Variants in UFSP2 observed in about 807,000 individuals in gnomAD.
The protein encoded by UFSP2 is ufm1-specific protease 2.
A neutral mutation model predicts 60.2 loss-of-function variants in UFSP2; 43 were observed. The observed-to-expected ratio is 0.71, with a 90% confidence interval of 0.56 to 0.92. UFSP2 has a LOEUF of 0.92. Ranked by LOEUF, UFSP2 falls within the 40% of genes least tolerant of loss-of-function variation. The pLI is 0.00. For synonymous variants in UFSP2, 183 were observed against 195.1 expected (o/e 0.94, Z 0.52); for missense variants, 520 against 575.0 (o/e 0.90, Z 0.98).
chr4:185,413,023 T>A (rs895427346), intron 7 of UFSP2, among the ~76,000 whole-genome samples: 6 of 152,226 alleles, frequency 3.9e-5, no homozygotes, highest in Admixed American at 6.5e-5. Flanking sequence ...TATCCTACAG[T>A]GGCTGGGCAT....
chr4:185,403,769 T>TG, intron 10 of UFSP2, 151 bp from the exon 11 acceptor site: 1 of 910,336 alleles, frequency 1.1e-6, no homozygotes, highest in Non-Finnish European at 1.6e-6. Context: ...GGTCAGGAGA[T>TG]GGAGACCATC....
intron 9 of UFSP2, among the ~76,000 whole-genome samples, chr4:185,407,504 T>C (rs1429379171): frequency 6.6e-6 from 1 of 152,138 alleles, no homozygotes; most frequent in Non-Finnish European, 1.5e-5. Context: ...TTTGAACACA[T>C]TACTAGATTA....
At chr4:185,425,521 A>T (rs2095558056) in intron 1 of UFSP2, among the ~76,000 whole-genome samples, 1 of 152,214 alleles carries the variant, frequency 6.6e-6, no homozygotes, top group Non-Finnish European at 1.5e-5. Flanking sequence ...TACCACGGGA[A>T]CTAGGGGAAT....
intron 11 of UFSP2, among the ~76,000 whole-genome samples, chr4:185,402,898 A>C (rs1352945722): frequency 3.3e-5 from 5 of 152,232 alleles, no homozygotes; most frequent in Non-Finnish European, 7.3e-5. Context: ...ATTCAAGTTA[A>C]TTATGTTTTA....
chr4:185,402,225 G>A (rs1054747227), intron 11 of UFSP2: 8 of 439,550 alleles, frequency 1.8e-5, no homozygotes, highest in Admixed American at 1.1e-4. Context: ...CACTTGTTAG[G>A]TACTTTAATA....
At position 185,399,939 on chromosome 4, in the gene UFSP2, G is replaced by A; in HGVS notation, c.*453C>T. ...TTACCAGAGTCTAGAGACCAAAAAT[G>A]GGACTGCATGGTGGAAGTTTGGGGA... is the stretch of plus-strand genomic sequence containing the variant. On this transcript the variant is annotated 3_prime_UTR_variant, in exon 12 of 12. Transcript: ENST00000264689. The A allele has an allele frequency of 1.3e-6, 2 of 1,560,266 alleles. No homozygotes were observed. The highest frequency in any genetic ancestry group is 1.7e-6 in the Non-Finnish European group (2 of 1,158,484).
chr4:185,417,836 G>A (rs60972638), intron 4 of UFSP2, among the ~76,000 whole-genome samples: 12,884 of 152,082 alleles, frequency 0.085, 964 homozygotes, highest in African/African-American at 0.19. Flanking sequence ...CCGAGGTCAG[G>A]AGTTTGAGAC....
intron 9 of UFSP2, among the ~76,000 whole-genome samples, chr4:185,406,747 T>C (rs2126881039): frequency 6.6e-6 from 1 of 152,082 alleles, no homozygotes; most frequent in South Asian, 2.1e-4. Flanking sequence ...GGCTCATTTT[T>C]ATATTTTTAG....
At chr4:185,415,448 T>C (rs1032849817) in intron 5 of UFSP2, 101 bp from the exon 6 acceptor site, 11 of 1,046,470 alleles carry the variant, frequency 1.1e-5, no homozygotes, top group African/African-American at 1.6e-5. Flanking sequence ...AAAACTTGAT[T>C]GGACCAGGTT....
intron 4 of UFSP2, among the ~76,000 whole-genome samples, chr4:185,416,707 A>G (rs2095539346): frequency 6.6e-6 from 1 of 152,228 alleles, no homozygotes; most frequent in Non-Finnish European, 1.5e-5. Context: ...CACCTGGAAC[A>G]TCTGATGGGT....
Position 185,415,200 on chromosome 4 carries a change from T to C in UFSP2, c.639A>G (p.Ser213=), listed in dbSNP as rs1325128910. ...GGCCATCTGGTATTCCTGAAGGATA[T>C]GAAATTGTTACAAGATTTTTTTTCC... ...LPGKKNLVTI[S]YPSGIPDGQL... The change falls in exon 6 of 12, where the codon TCA becomes TCG. Residue 213 remains serine, a synonymous_variant. Coordinates refer to ENST00000264689, the MANE Select transcript of UFSP2 (RefSeq NM_018359.5). 1.2e-6 allele frequency: 2 copies of C among 1,607,200 alleles called. No homozygotes were observed. Among genetic ancestry groups the C allele is most frequent in the South Asian group, 2.2e-5 (2 of 89,464 alleles).
intron 4 of UFSP2, among the ~76,000 whole-genome samples, chr4:185,417,926 C>A (rs940903958): frequency 6.6e-6 from 1 of 152,020 alleles, no homozygotes; most frequent in Non-Finnish European, 1.5e-5. Context: ...TGCCTGTAAT[C>A]CCAGCTACTC....
Position 185,415,239 on chromosome 4 carries a change from G to C in UFSP2, c.600C>G (p.His200Gln). 1 of 1,604,196 alleles carries C rather than the reference G, an allele frequency of 6.2e-7. No homozygotes were observed. Among genetic ancestry groups the C allele is most frequent in the Non-Finnish European group, 8.5e-7 (1 of 1,177,882 alleles). The change falls in exon 6 of 12, where the codon CAC becomes CAG. Residue 200 changes from histidine (H) to glutamine (Q), a missense_variant. Transcript: ENST00000264689. ...GTSIVVPEPL[H>Q]FLLPGKKNLV... ...GATTTTTTTTCCCTGGTAATAAAAAGTGCAGTGGTTCAGGGACCACAATAG... is the reference window on the plus strand; with the variant it reads ...GATTTTTTTTCCCTGGTAATAAAAACTGCAGTGGTTCAGGGACCACAATAG...
intron 7 of UFSP2, among the ~76,000 whole-genome samples, chr4:185,409,280 TA>T (rs1446542484): frequency 6.6e-6 from 1 of 152,180 alleles, no homozygotes; most frequent in Middle Eastern, 3.2e-3. Context: ...TAAAGATAAA[TA>T]AATTACTAAT....
chr4:185,405,472 CAG>C (rs1427953115), intron 10 of UFSP2, among the ~76,000 whole-genome samples: 1 of 152,198 alleles, frequency 6.6e-6, no homozygotes, highest in Non-Finnish European at 1.5e-5. Flanking sequence ...CCAGTTATGA[CAG>C]AGTCATGACT....
At chr4:185,415,075 T>C in intron 6 of UFSP2, 80 bp downstream of exon 6, 1 of 1,190,418 alleles carries the variant, frequency 8.4e-7, no homozygotes. Context: ...ATACCTTCCA[T>C]TTAGTGGAAA....
At chr4:185,411,447 C>A (rs796338700) in intron 7 of UFSP2, among the ~76,000 whole-genome samples, 1 of 151,892 alleles carries the variant, frequency 6.6e-6, no homozygotes, top group Non-Finnish European at 1.5e-5. Flanking sequence ...AAAATAAGAA[C>A]AGTATGAGAG....
Position 185,425,893 on chromosome 4 carries a change from G to C in UFSP2, c.-25C>G. 1 of 1,595,996 alleles carries C rather than the reference G, an allele frequency of 6.3e-7. No individual in the cohort carries two copies. Among genetic ancestry groups the C allele is most frequent in the Non-Finnish European group, 8.5e-7 (1 of 1,171,474 alleles). ...TGTCCGCGACGTGGCGGTGACACGG[G>C]CGCTGACGCCTGCCCAAAAGTTCCG... On this transcript the variant is annotated 5_prime_UTR_variant, in exon 1 of 12. Transcript: ENST00000264689.
At chr4:185,406,576 ATAT>A (rs751182940) in intron 9 of UFSP2, among the ~76,000 whole-genome samples, 2 of 151,988 alleles carry the variant, frequency 1.3e-5, no homozygotes, top group Non-Finnish European at 2.9e-5. Flanking sequence ...TCATTGTTTT[ATAT>A]TATTATTATT....
Sources: gnomAD v4.1 joint callset for allele counts (sites outside exome capture counted in the v4.1 genomes callset) on GRCh38, gnomAD v4.1.1 for gene constraint, MANE v1.5 for transcripts, NCBI Gene and HGNC (gene_info 2026-07-23, HGNC 2026-07-21) for gene names.